PPP6R3: variants seen among roughly 807,000 people sequenced by gnomAD.
The protein encoded by PPP6R3 is serine/threonine-protein phosphatase 6 regulatory subunit 3.
In PPP6R3, 38 loss-of-function variants were observed where a neutral mutation model predicts 110.7. The observed-to-expected ratio is 0.34, with a 90% confidence interval of 0.26 to 0.45. PPP6R3 has a LOEUF of 0.45. Among genes scored for constraint, PPP6R3 ranks in the 20% least tolerant of loss-of-function variants. The pLI is 1.00. For synonymous variants in PPP6R3, 369 were observed against 373.5 expected (o/e 0.99, Z 0.14); for missense variants, 870 against 1,062.4 (o/e 0.82, Z 2.52).
chr11:68,542,389 G>GTTTTTTTTTTTTGTTT (rs2099322111), intron 3 of PPP6R3, among the ~76,000 whole-genome samples: 15 of 40,188 alleles, frequency 3.7e-4, no homozygotes, highest in Non-Finnish European at 5.4e-4. Context: ...AGAAGCTGCT[G>GTTTTTTTTTTTTGTTT]TTTTTTTTTT....
chr11:68,504,218 GT>G (rs140631559), intron 1 of PPP6R3, among the ~76,000 whole-genome samples: 37,218 of 150,342 alleles, frequency 0.25, 4,811 homozygotes, highest in Middle Eastern at 0.33. Flanking sequence ...AGTAGAAATT[GT>G]TTTTTTTTTC....
chr11:68,487,822 T>TGAACAAGCATCAGAACCAGAGTCAAATA (rs2098958029), intron 1 of PPP6R3, among the ~76,000 whole-genome samples: 1 of 152,190 alleles, frequency 6.6e-6, no homozygotes, highest in African/African-American at 2.4e-5. Flanking sequence ...CTGTATGAAC[T>TGAACAAGCATCAGAACCAGAGTCAAATA]TGAGAACTGT....
In PPP6R3 at chr11:68,553,093, C is replaced by G. The variant is rs191121889; in HGVS notation, c.619-1052C>G. Among the ~76,000 whole-genome samples, 301 of 152,264 alleles carry G rather than the reference C, an allele frequency of 2.0e-3. 2 individuals are homozygous for G. Among genetic ancestry groups the G allele is most frequent in the East Asian group, 0.012 (63 of 5,168 alleles). On this transcript the variant is annotated intron_variant, in intron 6 of 23. Transcript: ENST00000393800. ...TTTGGATATCCTAATCTGTGCTCTC[C>G]TCTCTTCTAGAATATGAGTGTTCTG...
chr11:68,478,169 C>G (rs1474268219), intron 1 of PPP6R3, among the ~76,000 whole-genome samples: 1 of 151,966 alleles, frequency 6.6e-6, no homozygotes, highest in Non-Finnish European at 1.5e-5. Flanking sequence ...AGGCTGGTCT[C>G]GAACTCCTGA....
chr11:68,541,529 GAAAT>G (rs1317378999), intron 3 of PPP6R3, among the ~76,000 whole-genome samples: 1 of 152,218 alleles, frequency 6.6e-6, no homozygotes, highest in African/African-American at 2.4e-5. Context: ...TTATGGCAGT[GAAAT>G]AAGATTGCAG....
At chr11:68,580,404 C>CT (rs2099548819) in intron 14 of PPP6R3, among the ~76,000 whole-genome samples, 1 of 152,026 alleles carries the variant, frequency 6.6e-6, no homozygotes. Context: ...GGGGCAAGAG[C>CT]TAGGAGGAGG....
In PPP6R3 at chr11:68,561,794, T is replaced by G. The variant is rs963535637; in HGVS notation, c.846-2509T>G. 5.9e-5 allele frequency among the ~76,000 whole-genome samples: 9 copies of G among 152,340 alleles called. No homozygotes were observed. The East Asian group carries it at 1.7e-3, about 29-fold the overall frequency. On this transcript the variant is annotated intron_variant, in intron 8 of 23. Coordinates refer to ENST00000393800, the MANE Select transcript of PPP6R3 (RefSeq NM_001164161.2). ...TATTTATATTTTTTGAGATAAGGCC[T>G]GCCATTCAGACTGGAGTGCAGTGGC...
At chr11:68,599,958 T>TA (rs1485230680) in intron 19 of PPP6R3, among the ~76,000 whole-genome samples, 3 of 152,106 alleles carry the variant, frequency 2.0e-5, no homozygotes, top group East Asian at 3.9e-4. Context: ...CTGTCTCTAC[T>TA]AAAAATACAA....
At chr11:68,490,585 T>C (rs948144204) in intron 1 of PPP6R3, among the ~76,000 whole-genome samples, 18 of 152,276 alleles carry the variant, frequency 1.2e-4, no homozygotes, top group Middle Eastern at 3.4e-3. Context: ...ATCACATATG[T>C]TATACCTTTT....
intron 1 of PPP6R3, among the ~76,000 whole-genome samples, chr11:68,511,979 T>G (rs2099113228): frequency 6.6e-6 from 1 of 152,154 alleles, no homozygotes; most frequent in South Asian, 2.1e-4. Flanking sequence ...GATCTCCTAT[T>G]CCTGTGTTCT....
chr11:68,612,198 C>T (rs908877615), intron 23 of PPP6R3, among the ~76,000 whole-genome samples: 1 of 152,136 alleles, frequency 6.6e-6, no homozygotes, highest in African/African-American at 2.4e-5. Flanking sequence ...CCAGAAGTCT[C>T]GATTCCTATG....
intron 18 of PPP6R3, among the ~76,000 whole-genome samples, chr11:68,595,765 A>G (rs2099612082): frequency 6.6e-6 from 1 of 152,244 alleles, no homozygotes; most frequent in South Asian, 2.1e-4. Context: ...AAGCATTTAA[A>G]AAGATGCTCA....
intron 10 of PPP6R3, 90 bp downstream of exon 10, chr11:68,567,256 T>A (rs2099478582): frequency 7.6e-7 from 1 of 1,312,232 alleles, no homozygotes. Context: ...ATTTACATTA[T>A]GTCAGTGACT....
At chr11:68,573,414 G>A (rs2099518189) in intron 12 of PPP6R3, among the ~76,000 whole-genome samples, 6 of 151,962 alleles carry the variant, frequency 3.9e-5, no homozygotes, top group African/African-American at 1.5e-4. Context: ...GCCTCCCAAA[G>A]TGTTGGGATT....
intron 6 of PPP6R3, 107 bp from the exon 7 acceptor site, chr11:68,554,037 TG>T: frequency 1.3e-6 from 1 of 788,346 alleles, no homozygotes; most frequent in Non-Finnish European, 2.0e-6. Flanking sequence ...CTGAAGCTTA[TG>T]GCCAGTGTTA....
At chr11:68,596,704 G>A (rs1043326742) in intron 19 of PPP6R3, among the ~76,000 whole-genome samples, 1 of 152,214 alleles carries the variant, frequency 6.6e-6, no homozygotes, top group Non-Finnish European at 1.5e-5. Flanking sequence ...GTGCTTGCTT[G>A]TGCCCTGCTC....
chr11:68,478,451 G>A (rs556559806), intron 1 of PPP6R3, among the ~76,000 whole-genome samples: 2 of 151,978 alleles, frequency 1.3e-5, no homozygotes, highest in African/African-American at 4.8e-5. Flanking sequence ...GAAAACTTAA[G>A]TATCTTTTGT....
intron 1 of PPP6R3, among the ~76,000 whole-genome samples, chr11:68,461,357 T>C (rs2098705284): frequency 6.6e-6 from 1 of 152,036 alleles, no homozygotes; most frequent in South Asian, 2.1e-4. Context: ...TTTCTGTTAA[T>C]TCGCCGCAGA....
intron 1 of PPP6R3, among the ~76,000 whole-genome samples, chr11:68,475,505 C>G (rs1038811725): frequency 3.2e-4 from 49 of 151,726 alleles, no homozygotes; most frequent in Non-Finnish European, 5.9e-5. Flanking sequence ...CAGAGGTGCC[C>G]GCCACCTCCC....
Sources: allele counts gnomAD v4.1 joint callset (sites outside exome capture counted in the v4.1 genomes callset), GRCh38; gene constraint gnomAD v4.1.1; transcripts MANE v1.5; gene names NCBI Gene and HGNC (gene_info 2026-07-23, HGNC 2026-07-21).